Variants in CCSER1 observed in about 807,000 individuals in gnomAD.
CCSER1 encodes serine-rich coiled-coil domain-containing protein 1.
CCSER1 carries 41 observed loss-of-function variants against 82.0 expected under a neutral mutation model. The ratio of observed to expected loss-of-function variants is 0.50; its 90% confidence interval spans 0.39 to 0.65. The LOEUF is 0.65. Among genes scored for constraint, CCSER1 ranks in the 30% least tolerant of loss-of-function variants. The pLI is 0.00. For synonymous variants in CCSER1, 414 were observed against 383.9 expected (o/e 1.08, Z -0.92); for missense variants, 1,119 against 1,064.2 (o/e 1.05, Z -0.72).
intron 5 of CCSER1, among the ~76,000 whole-genome samples, chr4:90,592,117 G>A (rs1024753331): frequency 6.6e-6 from 1 of 152,020 alleles, no homozygotes; most frequent in African/African-American, 2.4e-5. Context: ...CTGTTGATAG[G>A]TGCAGGAAAC....
chr4:90,441,913 T>C (rs1759942651), intron 4 of CCSER1, among the ~76,000 whole-genome samples: 1 of 152,244 alleles, frequency 6.6e-6, no homozygotes, highest in East Asian at 1.9e-4. Context: ...ATAGTTGCCC[T>C]AAGGCAAAGT....
rs576882668 is a variant in CCSER1, at chr4:90,197,102, G to A, written c.-42+69271G>A. On this transcript the variant is annotated intron_variant, in intron 1 of 10. Transcript: ENST00000509176. ...AGGGTTCCCACGACCCCCTCCTTGG[G>A]CTTCATTAATTTGCCAGATCAGCTC... Among the ~76,000 whole-genome samples the A allele has an allele frequency of 2.6e-5, 4 of 152,184 alleles. No homozygotes were observed. In the South Asian group the frequency reaches 6.2e-4, roughly 24 times the overall value.
intron 10 of CCSER1, among the ~76,000 whole-genome samples, chr4:91,191,546 C>G (rs1370945260): frequency 6.6e-6 from 1 of 152,156 alleles, no homozygotes; most frequent in Non-Finnish European, 1.5e-5. Context: ...GCCAGATACT[C>G]ACTTTCCTAG....
At chr4:91,402,244 G>GTTT (rs1752390374) in intron 10 of CCSER1, among the ~76,000 whole-genome samples, 1 of 151,458 alleles carries the variant, frequency 6.6e-6, no homozygotes, top group Non-Finnish European at 1.5e-5. Context: ...TGATGGGGTT[G>GTTT]ATTTTTTTCT....
intron 5 of CCSER1, among the ~76,000 whole-genome samples, chr4:90,610,682 TGTTA>T (rs1314125543): frequency 6.6e-6 from 1 of 152,136 alleles, no homozygotes; most frequent in East Asian, 1.9e-4. Context: ...ATAAACTTCA[TGTTA>T]GTATTATGAT....
intron 10 of CCSER1, among the ~76,000 whole-genome samples, chr4:91,565,976 A>G (rs758924733): frequency 6.6e-6 from 1 of 152,006 alleles, no homozygotes; most frequent in Non-Finnish European, 1.5e-5. Flanking sequence ...CCTGATTTCA[A>G]GGGTAATGCT....
intron 7 of CCSER1, among the ~76,000 whole-genome samples, chr4:90,801,306 C>G (rs2149700667): frequency 6.6e-6 from 1 of 152,218 alleles, no homozygotes; most frequent in East Asian, 1.9e-4. Context: ...TGAAACCCTA[C>G]TTATTCTAGA....
At chr4:90,869,230 T>G (rs1766122688) in intron 8 of CCSER1, among the ~76,000 whole-genome samples, 1 of 152,054 alleles carries the variant, frequency 6.6e-6, no homozygotes, top group Non-Finnish European at 1.5e-5. Context: ...TATTTTTGCT[T>G]TAGTTACCTG....
intron 3 of CCSER1, among the ~76,000 whole-genome samples, chr4:90,324,946 G>GT (rs1356570153): frequency 6.6e-6 from 1 of 152,126 alleles, no homozygotes; most frequent in Admixed American, 6.5e-5. Context: ...CCCATTGCTT[G>GT]TTTTTCTCAG....
In CCSER1 at chr4:90,916,510, A is replaced by C. The variant is rs960755829; in HGVS notation, c.2095-6860A>C. Among the ~76,000 whole-genome samples, 32 of 152,260 alleles carry C rather than the reference A, an allele frequency of 2.1e-4. 1 individual carries two copies. The highest frequency in any genetic ancestry group is 3.8e-4 in the Non-Finnish European group (26 of 68,026). ...CTTCCTTACACCTTATACAAAAATTAATTCAAGATGGATTAAAGACTTAAA... is the reference window on the plus strand; with the variant it reads ...CTTCCTTACACCTTATACAAAAATTCATTCAAGATGGATTAAAGACTTAAA... On this transcript the variant is annotated intron_variant, in intron 8 of 10. Coordinates refer to ENST00000509176, the MANE Select transcript of CCSER1 (RefSeq NM_001145065.2).
At chr4:90,457,859 G>A (rs1315758645) in intron 4 of CCSER1, among the ~76,000 whole-genome samples, 1 of 152,070 alleles carries the variant, frequency 6.6e-6, no homozygotes, top group Non-Finnish European at 1.5e-5. Flanking sequence ...TCTGCTTTCT[G>A]CCATCATCAA....
chr4:90,993,334 G>A (rs778035986), intron 9 of CCSER1, among the ~76,000 whole-genome samples: 36 of 151,930 alleles, frequency 2.4e-4, no homozygotes, highest in East Asian at 5.8e-4. Context: ...AATTATTCTC[G>A]GGTGGAACTG....
chr4:90,351,387 A>C (rs951564445), intron 3 of CCSER1, among the ~76,000 whole-genome samples: 2 of 152,214 alleles, frequency 1.3e-5, no homozygotes, highest in African/African-American at 4.8e-5. Context: ...AGAGAAGTCA[A>C]AATATGAAGC....
chr4:91,169,108 A>G (rs1053264607), intron 10 of CCSER1, among the ~76,000 whole-genome samples: 1 of 150,382 alleles, frequency 6.6e-6, no homozygotes, highest in Non-Finnish European at 1.5e-5. Flanking sequence ...ACCTTTGTTC[A>G]TGTGTTTATC....
At chr4:90,534,724 A>G (rs1775098018) in intron 5 of CCSER1, among the ~76,000 whole-genome samples, 1 of 151,970 alleles carries the variant, frequency 6.6e-6, no homozygotes, top group African/African-American at 2.4e-5. Context: ...CAAGGAAGAA[A>G]TATTAACTGG....
chr4:90,651,528 G>A (rs1173559988), intron 6 of CCSER1, among the ~76,000 whole-genome samples: 2 of 152,078 alleles, frequency 1.3e-5, no homozygotes, highest in Non-Finnish European at 2.9e-5. Flanking sequence ...ATCACACACC[G>A]GGGTCTGTCA....
At chr4:91,138,996 T>G (rs1363640235) in intron 10 of CCSER1, among the ~76,000 whole-genome samples, 2 of 152,204 alleles carry the variant, frequency 1.3e-5, no homozygotes, top group Admixed American at 6.5e-5. Flanking sequence ...GTGAGCATAG[T>G]ACATCATAGG....
chr4:91,431,608 C>T (rs1357829937), intron 10 of CCSER1, among the ~76,000 whole-genome samples: 2 of 151,968 alleles, frequency 1.3e-5, no homozygotes, highest in Non-Finnish European at 2.9e-5. Flanking sequence ...GCTGGGATTA[C>T]GGGCATGCAC....
chr4:90,500,377 G>A (rs961349557), intron 5 of CCSER1, among the ~76,000 whole-genome samples: 2 of 151,368 alleles, frequency 1.3e-5, no homozygotes, highest in African/African-American at 2.4e-5. Context: ...TATCACCCAC[G>A]CTGGAGTGTA....
Sources: gnomAD v4.1 joint callset for allele counts (sites outside exome capture counted in the v4.1 genomes callset) on GRCh38, gnomAD v4.1.1 for gene constraint, MANE v1.5 for transcripts, NCBI Gene and HGNC (gene_info 2026-07-23, HGNC 2026-07-21) for gene names.